The following NUFIP1 variants were observed in gnomAD, a reference collection of about 807,000 sequenced individuals.
NUFIP1 encodes the protein FMR1-interacting protein NUFIP1.
Under a neutral mutation model 56.2 loss-of-function variants are expected in NUFIP1, and 38 were observed. That is an observed-to-expected ratio of 0.68 (90% confidence interval 0.52 to 0.89). The LOEUF (loss-of-function observed/expected upper bound fraction) is 0.89, where lower values mean the gene tolerates loss of function less well. NUFIP1 is among the 40% of genes least tolerant of loss of function. The pLI is 0.00. For synonymous variants in NUFIP1, 215 were observed against 212.4 expected, an observed-to-expected ratio of 1.01 and a Z score of -0.10; for missense variants, 567 against 605.8, an observed-to-expected ratio of 0.94 and a Z score of 0.67.
At chr13:44,975,023 G>A (rs1566063091) in intron 5 of NUFIP1, among the ~76,000 whole-genome samples, 1 of 152,036 alleles carries the variant, frequency 6.6e-6, no homozygotes, top group Non-Finnish European at 1.5e-5. Context: ...CCTTTCCATC[G>A]CAATCTGCAC....
Position 44,979,836 on chromosome 13 carries a change from C to T in NUFIP1, c.657+54G>A, listed in dbSNP as rs1327171583. 1.7e-5 allele frequency: 22 copies of T among 1,270,012 alleles called. No individual in the cohort carries two copies. The East Asian group carries it at 4.7e-4, about 27-fold the overall frequency. 78.7% of individuals were successfully genotyped at this position (1,270,012 alleles called of 1,614,324 possible). On this transcript the variant is annotated intron_variant, in intron 4 of 9. Coordinates refer to ENST00000379161, the MANE Select transcript of NUFIP1 (RefSeq NM_012345.3). ...TATAAATAAACAGTTGTGAAGATAA[C>T]AGATCAATAAAAAGAGCATGTATTT... is the stretch of plus-strand genomic sequence containing the variant.
At chr13:44,962,158 A>C (rs975130029) in intron 6 of NUFIP1, among the ~76,000 whole-genome samples, 2 of 152,270 alleles carry the variant, frequency 1.3e-5, no homozygotes, top group Non-Finnish European at 2.9e-5. Context: ...ATTAGGAATT[A>C]CATTAAACGT....
At chr13:44,948,261 G>A (rs1870963126) in intron 8 of NUFIP1, among the ~76,000 whole-genome samples, 1 of 149,394 alleles carries the variant, frequency 6.7e-6, no homozygotes, top group African/African-American at 2.5e-5. Context: ...TCCTGCCTCA[G>A]CCTCCTGGGT....
chr13:44,966,594 C>T (rs375975173), intron 5 of NUFIP1, among the ~76,000 whole-genome samples: 3 of 152,020 alleles, frequency 2.0e-5, no homozygotes, highest in East Asian at 1.9e-4. Context: ...GGATTACAGG[C>T]GTGAACCATC....
intron 6 of NUFIP1, among the ~76,000 whole-genome samples, chr13:44,963,989 T>C (rs1286325465): frequency 6.6e-6 from 1 of 152,192 alleles, no homozygotes; most frequent in African/African-American, 2.4e-5. Flanking sequence ...CCAGGTTACT[T>C]TTGGTTGGGG....
rs1053736426 is a variant in NUFIP1 at position 44,943,465 on chromosome 13, G to A, written c.1348C>T (p.His450Tyr). The change falls in exon 9 of 10, where the codon CAC becomes TAC. Residue 450 changes from histidine to tyrosine, a missense_variant. Transcript: ENST00000379161. ...ACCATTTCCAAGAGATATGGATGGTGTGTTCTTGGTTCGAATAACGTTTGA... is the reference window on the plus strand; with the variant it reads ...ACCATTTCCAAGAGATATGGATGGTATGTTCTTGGTTCGAATAACGTTTGA... ...NYQTLFEPRT[H>Y]HPYLLEMLLA... 1 of 1,613,744 alleles carries A rather than the reference G, an allele frequency of 6.2e-7. No homozygotes were observed. Among genetic ancestry groups the A allele is most frequent in the African/African-American group, 1.3e-5 (1 of 74,990 alleles).
intron 1 of NUFIP1, among the ~76,000 whole-genome samples, chr13:44,983,307 C>CT (rs1435565493): frequency 6.6e-6 from 1 of 152,140 alleles, no homozygotes; most frequent in South Asian, 2.1e-4. Context: ...TCCCGAGTAG[C>CT]TGGGATTACA....
intron 6 of NUFIP1, among the ~76,000 whole-genome samples, chr13:44,960,501 A>C (rs899089859): frequency 6.6e-6 from 1 of 151,982 alleles, no homozygotes; most frequent in African/African-American, 2.4e-5. Context: ...TCCTGACCTC[A>C]GGTGATCCAC....
intron 5 of NUFIP1, among the ~76,000 whole-genome samples, chr13:44,977,105 A>G (rs576860047): frequency 8.5e-5 from 13 of 152,336 alleles, no homozygotes; most frequent in African/African-American, 1.7e-4. Context: ...TGACCTTGCA[A>G]TTGGCTAAGG....
At chr13:44,969,763 G>A (rs1871740566) in intron 5 of NUFIP1, among the ~76,000 whole-genome samples, 1 of 152,068 alleles carries the variant, frequency 6.6e-6, no homozygotes, top group African/African-American at 2.4e-5. Flanking sequence ...CATTATCTTA[G>A]CACAGACCAT....
Position 44,949,750 on chromosome 13 carries a change from A to G in NUFIP1, c.1110T>C (p.Ser370=), listed in dbSNP as rs1454102347. Residue 370 remains serine (S), a synonymous_variant, in exon 8 of 10, where the codon AGT becomes AGC. Coordinates refer to ENST00000379161, the MANE Select transcript of NUFIP1 (RefSeq NM_012345.3). ...CTGGCTCACTCTCTGACCCTGAAAG[A>G]CTGCCATAGCTACTCATTAGTGAGC... ...ALCSLMSSYG[S]LSGSESEPEE... is the part of the protein sequence containing the mutation. The G allele has an allele frequency of 6.2e-7, 1 of 1,611,764 alleles. No homozygotes were observed.
chr13:44,949,496 C>A (rs1019368816), intron 8 of NUFIP1, among the ~76,000 whole-genome samples: 1 of 152,118 alleles, frequency 6.6e-6, no homozygotes, highest in African/African-American at 2.4e-5. Context: ...CCACCGCGCC[C>A]GGCCTATATT....
chr13:44,959,703 A>G (rs1369791533), intron 6 of NUFIP1, 129 bp from the exon 7 acceptor site: 1 of 713,308 alleles, frequency 1.4e-6, no homozygotes, highest in African/African-American at 1.8e-5. Context: ...TACATTAAAG[A>G]GACGAAAATA....
chr13:44,943,424 T>C lies in NUFIP1; in HGVS notation c.1371+18A>G. ...ATGTGAGAACACAAAGATTAGAACCTAAAGAAAAATAATTTACCATTTCCA... is the reference window on the plus strand; with the variant it reads ...ATGTGAGAACACAAAGATTAGAACCCAAAGAAAAATAATTTACCATTTCCA... On this transcript the variant is annotated intron_variant, in intron 9 of 9. Transcript: ENST00000379161. The C allele has an allele frequency of 6.2e-7, 1 of 1,601,908 alleles. No homozygotes were observed. The highest frequency in any genetic ancestry group is 8.5e-7 in the Non-Finnish European group (1 of 1,169,892).
intron 6 of NUFIP1, 72 bp from the exon 7 acceptor site, chr13:44,959,646 T>A: frequency 7.7e-7 from 1 of 1,290,538 alleles, no homozygotes; most frequent in African/African-American, 1.5e-5. Flanking sequence ...AAAAGACTAC[T>A]AGATACAAAA....
chr13:44,939,631 T>C lies in NUFIP1; in HGVS notation c.*1575A>G, dbSNP rs1870665121. ...ATCTCCTTAGAAATTTTAAATACACTTGGAATCTGAAATACCCATTAAAAA... is the reference window on the plus strand; with the variant it reads ...ATCTCCTTAGAAATTTTAAATACACCTGGAATCTGAAATACCCATTAAAAA... On this transcript the variant is annotated 3_prime_UTR_variant, in exon 10 of 10. Coordinates refer to ENST00000379161, the MANE Select transcript of NUFIP1 (RefSeq NM_012345.3). The C allele has an allele frequency of 6.6e-6, 1 of 152,184 alleles. No homozygotes were observed. The highest frequency in any genetic ancestry group is 1.5e-5 in the Non-Finnish European group (1 of 68,030). 9.4% of individuals were successfully genotyped at this position (152,184 alleles called of 1,614,324 possible).
intron 5 of NUFIP1, among the ~76,000 whole-genome samples, chr13:44,972,829 A>G (rs1034766346): frequency 6.6e-6 from 1 of 152,238 alleles, no homozygotes; most frequent in African/African-American, 2.4e-5. Context: ...TTCACACTAC[A>G]GTGAGAACCT....
At chr13:44,964,679 G>C (rs1463691359) in intron 6 of NUFIP1, among the ~76,000 whole-genome samples, 1 of 151,906 alleles carries the variant, frequency 6.6e-6, no homozygotes, top group Non-Finnish European at 1.5e-5. Context: ...GCAGAAGACT[G>C]ATTGGCATGT....
chr13:44,958,680 T>C (rs988887303), intron 7 of NUFIP1, among the ~76,000 whole-genome samples: 1 of 152,186 alleles, frequency 6.6e-6, no homozygotes, highest in Non-Finnish European at 1.5e-5. Context: ...GGGTATTCCT[T>C]TGCAGTACAA....
Sources: gnomAD v4.1 joint callset for allele counts (sites outside exome capture counted in the v4.1 genomes callset) on GRCh38, gnomAD v4.1.1 for gene constraint, MANE v1.5 for transcripts, NCBI Gene and HGNC (gene_info 2026-07-23, HGNC 2026-07-21) for gene names.